Variants in ATP6V1H observed in about 807,000 individuals in gnomAD.
ATP6V1H encodes ATPase H+ transporting V1 subunit H.
In ATP6V1H, 39 loss-of-function variants were observed where a neutral mutation model predicts 71.7. The ratio of observed to expected loss-of-function variants is 0.54; its 90% confidence interval spans 0.42 to 0.71. The LOEUF is 0.71. Ranked by LOEUF, ATP6V1H falls within the 30% of genes least tolerant of loss-of-function variation. The pLI is 0.00. For missense variants in ATP6V1H, 509 were observed against 594.9 expected, an observed-to-expected ratio of 0.86 and a Z score of 1.50; for synonymous variants, 192 against 199.3, an observed-to-expected ratio of 0.96 and a Z score of 0.31.
intron 4 of ATP6V1H, among the ~76,000 whole-genome samples, chr8:53,822,579 G>T (rs1338932770): frequency 6.6e-6 from 1 of 151,908 alleles, no homozygotes; most frequent in African/African-American, 2.4e-5. Context: ...TAATAAAAAT[G>T]CAAACAAAAC....
chr8:53,720,959 A>G (rs16919505), intron 13 of ATP6V1H, among the ~76,000 whole-genome samples: 9,925 of 152,270 alleles, frequency 0.065, 1,020 homozygotes, highest in African/African-American at 0.22. Flanking sequence ...ACGATCATTA[A>G]AACTACAACT....
chr8:53,761,959 C>T (rs1179283840), intron 11 of ATP6V1H, among the ~76,000 whole-genome samples: 5 of 152,124 alleles, frequency 3.3e-5, no homozygotes, highest in Non-Finnish European at 5.9e-5. Flanking sequence ...AAATACCAAG[C>T]TGGCAGGGAG....
intron 13 of ATP6V1H, among the ~76,000 whole-genome samples, chr8:53,734,139 T>C (rs1192773065): frequency 6.6e-6 from 1 of 152,242 alleles, no homozygotes; most frequent in African/African-American, 2.4e-5. Context: ...GGCTAACGAA[T>C]GCTAGACTAA....
At chr8:53,776,276 T>TAG (rs1808887129) in intron 9 of ATP6V1H, among the ~76,000 whole-genome samples, 1 of 151,936 alleles carries the variant, frequency 6.6e-6, no homozygotes, top group Non-Finnish European at 1.5e-5. Context: ...CGCTCGTGCC[T>TAG]CTCCCTCCAC....
intron 6 of ATP6V1H, among the ~76,000 whole-genome samples, chr8:53,813,451 A>C (rs1234093109): frequency 6.6e-6 from 1 of 152,222 alleles, no homozygotes; most frequent in Non-Finnish European, 1.5e-5. Flanking sequence ...AAAAATTTCA[A>C]ATAGACATTC....
chr8:53,828,758 T>C (rs1474778590), intron 4 of ATP6V1H, among the ~76,000 whole-genome samples: 1 of 152,136 alleles, frequency 6.6e-6, no homozygotes, highest in African/African-American at 2.4e-5. Flanking sequence ...GTTTTTTTCC[T>C]TATAAGTTAA....
chr8:53,781,277 T>C lies in ATP6V1H; in HGVS notation c.871-9110A>G, dbSNP rs892164172. ...ATCTCACTGTGGTTTTGATTTGCATTTCTCTGATGGCCAGTGATGATGAGC... is the reference window on the plus strand; with the variant it reads ...ATCTCACTGTGGTTTTGATTTGCATCTCTCTGATGGCCAGTGATGATGAGC... On this transcript the variant is annotated intron_variant, in intron 9 of 13. Coordinates refer to ENST00000359530, the MANE Select transcript of ATP6V1H (RefSeq NM_015941.4). Among the ~76,000 whole-genome samples, 337 of 152,348 alleles carry C rather than the reference T, an allele frequency of 2.2e-3. 2 individuals are homozygous for C. The highest frequency in any genetic ancestry group is 7.8e-3 in the African/African-American group (326 of 41,580).
chr8:53,730,148 T>C (rs1806968591), intron 13 of ATP6V1H, among the ~76,000 whole-genome samples: 1 of 152,244 alleles, frequency 6.6e-6, no homozygotes, highest in African/African-American at 2.4e-5. Flanking sequence ...CACTACTGCC[T>C]GGCTCACTTC....
At chr8:53,767,924 AAAC>A (rs1808525635) in intron 11 of ATP6V1H, among the ~76,000 whole-genome samples, 2 of 152,364 alleles carry the variant, frequency 1.3e-5, no homozygotes, top group South Asian at 4.1e-4. Context: ...GAAACTAAGG[AAAC>A]AACAAATTAG....
At chr8:53,768,471 C>T (rs563278504) in intron 11 of ATP6V1H, among the ~76,000 whole-genome samples, 16 of 152,150 alleles carry the variant, frequency 1.1e-4, no homozygotes, top group Non-Finnish European at 2.2e-4. Flanking sequence ...TACACCCACA[C>T]AACAACTCAT....
At chr8:53,813,529 A>G (rs1810353179) in intron 6 of ATP6V1H, among the ~76,000 whole-genome samples, 1 of 152,190 alleles carries the variant, frequency 6.6e-6, no homozygotes, top group Admixed American at 6.5e-5. Context: ...TCACCCTCAC[A>G]TCAAAATCTC....
intron 9 of ATP6V1H, among the ~76,000 whole-genome samples, chr8:53,790,895 A>G (rs1182186559): frequency 6.6e-6 from 1 of 152,208 alleles, no homozygotes; most frequent in Non-Finnish European, 1.5e-5. Context: ...TATTGTGGGT[A>G]ATTTACAATT....
intron 13 of ATP6V1H, among the ~76,000 whole-genome samples, chr8:53,721,113 T>C (rs1442191285): frequency 6.6e-6 from 1 of 152,228 alleles, no homozygotes; most frequent in African/African-American, 2.4e-5. Flanking sequence ...TTGTTTATAA[T>C]ACAGATTTAT....
chr8:53,746,499 A>G (rs1036945072), intron 12 of ATP6V1H, among the ~76,000 whole-genome samples: 8 of 152,112 alleles, frequency 5.3e-5, no homozygotes, highest in African/African-American at 1.9e-4. Flanking sequence ...TCCTGACCTC[A>G]GGTAATCCAC....
intron 13 of ATP6V1H, among the ~76,000 whole-genome samples, chr8:53,719,180 A>AT (rs1261817974): frequency 5.9e-5 from 9 of 151,918 alleles, no homozygotes; most frequent in Admixed American, 5.9e-4. Context: ...TTCTATTTTT[A>AT]TTTTTTTAGA....
chr8:53,838,127 C>CG (rs1554514848), intron 2 of ATP6V1H, among the ~76,000 whole-genome samples: 2 of 146,326 alleles, frequency 1.4e-5, no homozygotes, highest in African/African-American at 5.0e-5. Context: ...CTGTTACTGT[C>CG]TTTTTTTTTT....
rs765946010 is a variant in ATP6V1H, at chr8:53,795,797, C to A, written c.720G>T (p.Gln240His). 1.9e-6 allele frequency: 3 copies of A among 1,613,602 alleles called. No homozygotes were observed. Among genetic ancestry groups the A allele is most frequent in the Non-Finnish European group, 2.5e-6 (3 of 1,179,866 alleles). Residue 240 changes from glutamine to histidine, a missense_variant, in exon 9 of 14, where the codon CAG (glutamine) becomes CAT (histidine). Transcript: ENST00000359530. Reference protein sequence around the residue: ...VLSNKCGFQLQYQMIFSIWLL... With the variant: ...VLSNKCGFQLHYQMIFSIWLL... The stretch of plus-strand genomic sequence containing the variant: ...GCCATATTGAAAAAATCATTTGATA[C>A]TGGAGCTGAAAGCCACACTTGTTAC...
intron 2 of ATP6V1H, among the ~76,000 whole-genome samples, chr8:53,841,166 A>T (rs1202622567): frequency 6.6e-6 from 1 of 152,208 alleles, no homozygotes; most frequent in African/African-American, 2.4e-5. Flanking sequence ...CTCAACTCAA[A>T]TATCTGTGCT....
intron 12 of ATP6V1H, among the ~76,000 whole-genome samples, chr8:53,754,773 A>C (rs1585748720): frequency 1.3e-5 from 2 of 152,328 alleles, no homozygotes; most frequent in South Asian, 4.1e-4. Context: ...TGGGACCTTC[A>C]TGAGTTAGTG....
Sources: allele counts gnomAD v4.1 joint callset (sites outside exome capture counted in the v4.1 genomes callset), GRCh38; gene constraint gnomAD v4.1.1; transcripts MANE v1.5; gene names NCBI Gene and HGNC (gene_info 2026-07-23, HGNC 2026-07-21).